The following CLYBL variants were observed in gnomAD, a reference collection of about 807,000 sequenced individuals.
The protein encoded by CLYBL is citramalyl-CoA lyase.
In CLYBL, 31 loss-of-function variants were observed where a neutral mutation model predicts 38.9. That is an observed-to-expected ratio of 0.80 (90% confidence interval 0.60 to 1.08). CLYBL has a LOEUF of 1.08. Ranked by LOEUF, CLYBL falls within the 50% of genes least tolerant of loss-of-function variation. CLYBL has a pLI of 0.00. For synonymous variants in CLYBL, 171 were observed against 158.6 expected (o/e 1.08, Z -0.59); for missense variants, 434 against 411.6 (o/e 1.05, Z -0.47).
intron 1 of CLYBL, among the ~76,000 whole-genome samples, chr13:99,619,165 A>G (rs2046757859): frequency 6.6e-6 from 1 of 152,188 alleles, no homozygotes; most frequent in Non-Finnish European, 1.5e-5. Flanking sequence ...TTGTGGTGGT[A>G]TTAAGAAGTG....
Position 99,752,398 on chromosome 13 carries a change from C to T in CLYBL, c.63-20426C>T, listed in dbSNP as rs182054072. ...TTGAGCCAAGCAGACCAAGTCCCTG[C>T]CCACAGGGGGCCTGTGGCACATGGG... On this transcript the variant is annotated intron_variant, in intron 1 of 8. Coordinates refer to ENST00000339105, the MANE Select transcript of CLYBL (RefSeq NM_206808.5). 5.0e-4 allele frequency among the ~76,000 whole-genome samples: 76 copies of T among 152,264 alleles called. 1 individual carries two copies. Among genetic ancestry groups the T allele is most frequent in the Admixed American group, 4.4e-3 (67 of 15,302 alleles).
Position 99,759,801 on chromosome 13 carries a change from C to T in CLYBL, c.63-13023C>T, listed in dbSNP as rs375426676. Among the ~76,000 whole-genome samples, 19 of 152,290 alleles carry T rather than the reference C, an allele frequency of 1.2e-4. No homozygotes were observed. The South Asian group carries it at 3.5e-3, about 28-fold the overall frequency. On this transcript the variant is annotated intron_variant, in intron 1 of 8. Coordinates refer to ENST00000339105, the MANE Select transcript of CLYBL (RefSeq NM_206808.5). ...TGAAGAAGACATTGATGCTTCCTAC[C>T]CCATCTCCTGACTGCCAGTCAAAAC...
intron 8 of CLYBL, 46 bp downstream of exon 8, chr13:99,891,483 A>G: frequency 1.9e-6 from 2 of 1,034,112 alleles, no homozygotes; most frequent in Non-Finnish European, 3.0e-6. Context: ...AAACCACAAT[A>G]CTCAAAGCAA....
At chr13:99,621,464 C>T (rs1362365632) in intron 1 of CLYBL, among the ~76,000 whole-genome samples, 1 of 152,160 alleles carries the variant, frequency 6.6e-6, no homozygotes, top group Non-Finnish European at 1.5e-5. Context: ...TTTTGTCACC[C>T]TTCCCTGTGT....
intron 1 of CLYBL, among the ~76,000 whole-genome samples, chr13:99,653,307 AAGC>A (rs1229108568): frequency 6.6e-6 from 1 of 152,164 alleles, no homozygotes; most frequent in Non-Finnish European, 1.5e-5. Context: ...GAGCAGGAAT[AAGC>A]AGCAGGCCAC....
intron 2 of CLYBL, among the ~76,000 whole-genome samples, chr13:99,815,400 GA>G (rs879549176): frequency 1.6e-4 from 25 of 151,976 alleles, no homozygotes; most frequent in Admixed American, 5.9e-4. Flanking sequence ...TCTACCAAAA[GA>G]AAAAAATTAG....
chr13:99,711,661 C>T (rs2048235337), intron 1 of CLYBL, among the ~76,000 whole-genome samples: 1 of 151,914 alleles, frequency 6.6e-6, no homozygotes. Flanking sequence ...CCACCTCAGC[C>T]TCCCAAAGTG....
intron 1 of CLYBL, among the ~76,000 whole-genome samples, chr13:99,701,831 T>C (rs900984451): frequency 1.3e-5 from 2 of 152,100 alleles, no homozygotes; most frequent in Non-Finnish European, 2.9e-5. Flanking sequence ...TGCACCACCT[T>C]GCACGGCTAA....
chr13:99,611,994 A>G (rs1326139685), intron 1 of CLYBL, among the ~76,000 whole-genome samples: 2 of 152,172 alleles, frequency 1.3e-5, no homozygotes, highest in African/African-American at 4.8e-5. Flanking sequence ...TAGTAAGTTT[A>G]TAGGCCCATC....
At chr13:99,692,246 A>AC (rs1013419245) in intron 1 of CLYBL, among the ~76,000 whole-genome samples, 1 of 151,746 alleles carries the variant, frequency 6.6e-6, no homozygotes, top group Non-Finnish European at 1.5e-5. Context: ...CTTTATTGAG[A>AC]CATAGTTCAG....
At position 99,871,061 on chromosome 13, in the gene CLYBL, A is replaced by T. The variant is rs149734574; in HGVS notation, c.926A>T (p.Lys309Met). The stretch of plus-strand genomic sequence containing the variant: ...TTTAAAGAACATCAACAATTAGGAA[A>T]GGTAAATGTTTTGTTAATGCCTTGG... ...AAFKEHQQLG[K>M]GAFTFQGSMI... Residue 309 changes from lysine to methionine, a missense_variant and splice_region_variant, in exon 7 of 9, where the codon AAG becomes ATG. Physicochemically the swap from Lys to Met is moderately conservative, Grantham distance 95. Coordinates refer to ENST00000339105, the MANE Select transcript of CLYBL (RefSeq NM_206808.5). The T allele has an allele frequency of 1.2e-5, 19 of 1,613,840 alleles. No individual in the cohort carries two copies. In the African/African-American group the frequency reaches 2.3e-4, roughly 19 times the overall value.
At chr13:99,740,607 C>T (rs185211850) in intron 1 of CLYBL, among the ~76,000 whole-genome samples, 16 of 152,310 alleles carry the variant, frequency 1.1e-4, no homozygotes, top group Non-Finnish European at 1.6e-4. Context: ...AGCGACTTGA[C>T]GCCCATATTA....
intron 1 of CLYBL, among the ~76,000 whole-genome samples, chr13:99,628,423 A>G (rs1235734929): frequency 6.6e-6 from 1 of 152,210 alleles, no homozygotes; most frequent in Non-Finnish European, 1.5e-5. Flanking sequence ...GTCATTTGCA[A>G]TATTGAGTGG....
chr13:99,837,669 C>T (rs1180541282), intron 2 of CLYBL, among the ~76,000 whole-genome samples: 2 of 151,918 alleles, frequency 1.3e-5, no homozygotes, highest in South Asian at 2.1e-4. Context: ...TGCTGAGTTC[C>T]TCTTCTCAGG....
chr13:99,897,940 C>CA (rs10635703), downstream of CLYBL, among the ~76,000 whole-genome samples: 8 of 149,692 alleles, frequency 5.3e-5, no homozygotes, highest in African/African-American at 7.5e-5. Flanking sequence ...AATGCCGTCT[C>CA]AAAAAAAAGA....
chr13:99,711,413 T>C (rs1323375276), intron 1 of CLYBL, among the ~76,000 whole-genome samples: 4 of 145,246 alleles, frequency 2.8e-5, no homozygotes, highest in African/African-American at 1.0e-4. Flanking sequence ...CTTTTTTTTT[T>C]TTTTTTTTTT....
chr13:99,746,880 A>G (rs1435973331), intron 1 of CLYBL, among the ~76,000 whole-genome samples: 1 of 152,196 alleles, frequency 6.6e-6, no homozygotes. Flanking sequence ...ACAGTTAACT[A>G]TTAATGAACA....
chr13:99,906,474 C>T (rs2052699382), intron 9 of CLYBL, among the ~76,000 whole-genome samples: 1 of 151,076 alleles, frequency 6.6e-6, no homozygotes. Context: ...CTTGCTCGGT[C>T]ACCCAGTGGC....
At chr13:99,714,994 TAG>T (rs924068938) in intron 1 of CLYBL, among the ~76,000 whole-genome samples, 1 of 152,040 alleles carries the variant, frequency 6.6e-6, no homozygotes, top group African/African-American at 2.4e-5. Context: ...TAACCATCAA[TAG>T]AGAGTTATTT....
Sources: allele counts gnomAD v4.1 joint callset (sites outside exome capture counted in the v4.1 genomes callset), GRCh38; gene constraint gnomAD v4.1.1; transcripts MANE v1.5; gene names NCBI Gene and HGNC (gene_info 2026-07-23, HGNC 2026-07-21).